The following ASTN2 variants were observed in gnomAD, a reference collection of about 807,000 sequenced individuals.
ASTN2 encodes astrotactin-2.
Under a neutral mutation model 139.8 loss-of-function variants are expected in ASTN2, and 54 were observed. The observed-to-expected ratio is 0.39, with a 90% CI of 0.31 to 0.48. The LOEUF (loss-of-function observed/expected upper bound fraction) is 0.48. Ranked by LOEUF, ASTN2 falls within the 20% of genes least tolerant of loss-of-function variation. The pLI, the probability that ASTN2 is intolerant of heterozygous loss-of-function variation, is 0.95. For synonymous variants in ASTN2, 756 were observed against 719.5 expected (o/e 1.05, Z -0.81); for missense variants, 1,565 against 1,725.1 (o/e 0.91, Z 1.64).
chr9:116,810,824 G>A (rs780093866), intron 12 of ASTN2, among the ~76,000 whole-genome samples: 1 of 152,004 alleles, frequency 6.6e-6, no homozygotes, highest in Non-Finnish European at 1.5e-5. Flanking sequence ...CCCTGGGCTC[G>A]ATGGCTTCTT....
chr9:116,993,880 T>TC (rs1199693605), intron 7 of ASTN2, among the ~76,000 whole-genome samples: 34 of 77,970 alleles, frequency 4.4e-4, no homozygotes, highest in Non-Finnish European at 1.1e-3. Context: ...ATATATATTT[T>TC]AACTATATTA....
intron 1 of ASTN2, among the ~76,000 whole-genome samples, chr9:117,388,638 C>T (rs1200769794): frequency 6.6e-6 from 1 of 152,158 alleles, no homozygotes; most frequent in African/African-American, 2.4e-5. Flanking sequence ...CTATGGATGG[C>T]TTGGTTAGGG....
chr9:117,377,186 G>A (rs1243456233), intron 1 of ASTN2, among the ~76,000 whole-genome samples: 2 of 152,208 alleles, frequency 1.3e-5, no homozygotes, highest in Non-Finnish European at 2.9e-5. Context: ...GAGGCCAGAT[G>A]CCACAGCACC....
At chr9:117,358,251 T>C (rs1382684651) in intron 1 of ASTN2, among the ~76,000 whole-genome samples, 1 of 135,862 alleles carries the variant, frequency 7.4e-6, no homozygotes, top group Admixed American at 8.1e-5. Flanking sequence ...TACATATGCA[T>C]ACATGTGCAG....
chr9:116,630,339 T>C (rs976300970), intron 17 of ASTN2, among the ~76,000 whole-genome samples: 2 of 152,188 alleles, frequency 1.3e-5, no homozygotes, highest in Non-Finnish European at 2.9e-5. Flanking sequence ...GTATATTAGG[T>C]TGTATTGTTT....
chr9:116,440,691 A>G lies in ASTN2; in HGVS notation c.3700T>C (p.Phe1234Leu). The G allele has an allele frequency of 6.2e-7, 1 of 1,614,188 alleles. No individual in the cohort carries two copies. The highest frequency in any genetic ancestry group is 8.5e-7 in the Non-Finnish European group (1 of 1,180,034). ...TLMEVSASMLFRVQHHYNSHY... is the reference protein window; with the variant it reads ...TLMEVSASMLLRVQHHYNSHY... Reference sequence around the variant, plus strand: ...GAGTTGTAGTGGTGCTGGACTCGGAACAGCATCGAGGCTGAGACCTCCATC... The same window carrying G: ...GAGTTGTAGTGGTGCTGGACTCGGAGCAGCATCGAGGCTGAGACCTCCATC... The change falls in exon 22 of 23, where the codon TTC becomes CTC. Residue 1234 changes from phenylalanine to leucine, a missense_variant. Physicochemically the swap from Phe to Leu is conservative, Grantham distance 22. Transcript: ENST00000313400.
At chr9:117,222,877 A>G (rs1832571900) in intron 2 of ASTN2, among the ~76,000 whole-genome samples, 1 of 150,474 alleles carries the variant, frequency 6.6e-6, no homozygotes, top group Admixed American at 6.6e-5. Flanking sequence ...CCCAGTGTAC[A>G]GATGAAAAAA....
chr9:116,476,965 C>T (rs1848999739), intron 20 of ASTN2, among the ~76,000 whole-genome samples: 1 of 152,178 alleles, frequency 6.6e-6, no homozygotes, highest in African/African-American at 2.4e-5. Flanking sequence ...CTCCCCTCCG[C>T]CTGCAGGAGA....
rs73519407 is a variant in ASTN2, at chr9:116,733,620, T to G, written c.2397-97A>C. 2.7e-3 allele frequency: 4,076 copies of G among 1,503,620 alleles called. 79 individuals carry two copies. In the African/African-American group the frequency reaches 0.046, roughly 17 times the overall value. 93.1% of individuals were successfully genotyped at this position (1,503,620 alleles called of 1,614,324 possible). On this transcript the variant is annotated intron_variant, in intron 13 of 22. Coordinates refer to ENST00000313400, the MANE Select transcript of ASTN2 (RefSeq NM_001365068.1). ...AGGATGCTGTAGTCAGAATAAAGAC[T>G]CATGGTGGGGTGACTTTGCTGTAAT...
chr9:116,985,875 T>G (rs1283041977), intron 7 of ASTN2, among the ~76,000 whole-genome samples: 3 of 152,046 alleles, frequency 2.0e-5, no homozygotes, highest in Non-Finnish European at 4.4e-5. Context: ...CAGGAAGGCA[T>G]GGAGAGCAGA....
chr9:117,016,642 ATATATATATATATAACC>A (rs1564386000), intron 6 of ASTN2, among the ~76,000 whole-genome samples: 7 of 21,044 alleles, frequency 3.3e-4, no homozygotes, highest in African/African-American at 7.0e-4. Flanking sequence ...ATATATATAT[ATATATATATATATAACC>A]TATATATATG....
intron 13 of ASTN2, among the ~76,000 whole-genome samples, chr9:116,802,792 G>T (rs1163748403): frequency 6.6e-6 from 1 of 152,230 alleles, no homozygotes; most frequent in African/African-American, 2.4e-5. Context: ...GGATTTGAAG[G>T]CATGTTCATT....
intron 16 of ASTN2, among the ~76,000 whole-genome samples, chr9:116,684,746 G>GGTCAGCAAGCATCCCTGA (rs1187289982): frequency 2.0e-5 from 3 of 152,276 alleles, no homozygotes; most frequent in Admixed American, 2.0e-4. Flanking sequence ...GCAATCGACA[G>GGTCAGCAAGCATCCCTGA]CCTTTTCCCA....
intron 19 of ASTN2, among the ~76,000 whole-genome samples, chr9:116,576,693 C>T (rs1351155505): frequency 2.0e-5 from 3 of 152,110 alleles, no homozygotes; most frequent in Non-Finnish European, 4.4e-5. Context: ...CCACAATGAA[C>T]GTTTCGGGCA....
At chr9:116,571,820 T>C (rs1033683460) in intron 19 of ASTN2, among the ~76,000 whole-genome samples, 1 of 152,144 alleles carries the variant, frequency 6.6e-6, no homozygotes, top group Non-Finnish European at 1.5e-5. Flanking sequence ...CCCGTGTGTG[T>C]GTGACCGTGT....
At chr9:116,450,669 G>T (rs997411908) in intron 20 of ASTN2, among the ~76,000 whole-genome samples, 3 of 152,134 alleles carry the variant, frequency 2.0e-5, no homozygotes, top group Admixed American at 2.0e-4. Flanking sequence ...TAGCTACCAA[G>T]CAAAGTATTT....
chr9:116,502,710 GGAAGGAAGGAAGGAAGGAAGGAAT>G (rs1405723216), intron 19 of ASTN2, among the ~76,000 whole-genome samples: 2 of 45,590 alleles, frequency 4.4e-5, no homozygotes, highest in Admixed American at 5.1e-4. Context: ...AAGGAAGGAA[GGAAGGAAGGAAGGAAGGAAGGAAT>G]GAATGAATGA....
At chr9:117,053,067 C>G (rs909348155) in intron 5 of ASTN2, among the ~76,000 whole-genome samples, 1 of 152,202 alleles carries the variant, frequency 6.6e-6, no homozygotes, top group African/African-American at 2.4e-5. Flanking sequence ...AAAGGAAACA[C>G]ATATTCTATA....
chr9:116,854,352 CT>C (rs1398971444), intron 11 of ASTN2, among the ~76,000 whole-genome samples: 1 of 152,198 alleles, frequency 6.6e-6, no homozygotes, highest in African/African-American at 2.4e-5. Context: ...CTAACAGCAG[CT>C]TTGGCAGGCA....
Sources: gnomAD v4.1 joint callset for allele counts (sites outside exome capture counted in the v4.1 genomes callset) on GRCh38, gnomAD v4.1.1 for gene constraint, MANE v1.5 for transcripts, NCBI Gene and HGNC (gene_info 2026-07-23, HGNC 2026-07-21) for gene names.